BBS9: variants seen among roughly 807,000 people sequenced by gnomAD.
The protein encoded by BBS9 is protein PTHB1.
In BBS9, 89 loss-of-function variants were observed where a neutral mutation model predicts 117.7. The ratio of observed to expected loss-of-function variants is 0.76; its 90% confidence interval spans 0.64 to 0.90. The LOEUF is 0.90. Among genes scored for constraint, BBS9 ranks in the 40% least tolerant of loss-of-function variants. The probability of loss-of-function intolerance (pLI) is 0.00; values close to 1 mark genes in which losing one functional copy is unlikely to be tolerated. For synonymous variants in BBS9, 379 were observed against 370.9 expected, an observed-to-expected ratio of 1.02 and a Z score of -0.25; for missense variants, 982 against 1,042.2, an observed-to-expected ratio of 0.94 and a Z score of 0.80.
intron 5 of BBS9, among the ~76,000 whole-genome samples, chr7:33,183,073 A>G (rs1192009030): frequency 6.6e-6 from 1 of 152,170 alleles, no homozygotes; most frequent in South Asian, 2.1e-4. Flanking sequence ...TGTATTTCCT[A>G]CCTAGTTATT....
Position 33,534,072 on chromosome 7 carries a change from G to A in BBS9, c.2417G>A (p.Ser806Asn). ...NSQLNIPKDT[S>N]QLKKHITLLC... ...CAGCTGAACATACCCAAAGACACAA[G>A]CCAACTGAAGAAACATATCACCTTG... The change falls in exon 21 of 23, where the codon AGC (serine) becomes AAC (asparagine). Residue 806 changes from serine to asparagine, a missense_variant. By Grantham distance (46) the Ser-to-Asn change is conservative (BLOSUM62 1). Coordinates refer to ENST00000242067, the MANE Select transcript of BBS9 (RefSeq NM_198428.3). 3 of 1,614,178 alleles carry A rather than the reference G, an allele frequency of 1.9e-6. No homozygotes were observed. Among genetic ancestry groups the A allele is most frequent in the Non-Finnish European group, 2.5e-6 (3 of 1,180,046 alleles).
chr7:33,333,920 C>T (rs1264963732), intron 9 of BBS9, among the ~76,000 whole-genome samples: 2 of 150,354 alleles, frequency 1.3e-5, no homozygotes, highest in African/African-American at 4.8e-5. Flanking sequence ...CCTATAATGT[C>T]TTTTGCAATT....
intron 9 of BBS9, among the ~76,000 whole-genome samples, chr7:33,285,280 G>T (rs765215075): frequency 6.6e-6 from 1 of 152,138 alleles, no homozygotes; most frequent in Non-Finnish European, 1.5e-5. Context: ...ATGTTAGGTA[G>T]AGTGACAGAA....
chr7:33,418,680 CT>C (rs568488159), intron 19 of BBS9, among the ~76,000 whole-genome samples: 145 of 152,268 alleles, frequency 9.5e-4, no homozygotes, highest in Middle Eastern at 3.4e-3. Context: ...TTGAAAGCAT[CT>C]TGTAGCCACC....
chr7:33,133,373 A>C (rs1315155132), intron 1 of BBS9, among the ~76,000 whole-genome samples: 1 of 152,188 alleles, frequency 6.6e-6, no homozygotes, highest in Non-Finnish European at 1.5e-5. Context: ...TCAACTCAAA[A>C]AGAAACCTCG....
In BBS9 at chr7:33,281,174, CT is replaced by C. The variant is rs1371932314; in HGVS notation, c.1016+7223del. Among the ~76,000 whole-genome samples the C allele has an allele frequency of 6.6e-5, 10 of 151,064 alleles. No individual in the cohort carries two copies. In the East Asian group the frequency reaches 1.9e-3, roughly 29 times the overall value. On this transcript the variant is annotated intron_variant, in intron 9 of 22. Coordinates refer to ENST00000242067, the MANE Select transcript of BBS9 (RefSeq NM_198428.3). ...TTCTGTCAGTTTTCTGTTGAATAAG[CT>C]TTTTGGTTTAGATATTCTATGTTAG...
intron 9 of BBS9, among the ~76,000 whole-genome samples, chr7:33,322,355 G>A (rs1469324018): frequency 9.9e-6 from 1 of 101,434 alleles, no homozygotes; most frequent in Admixed American, 1.1e-4. Flanking sequence ...TGGGTCTCAG[G>A]CTTTTTTTTT....
chr7:33,468,042 A>C (rs1277244379), intron 19 of BBS9, among the ~76,000 whole-genome samples: 3 of 152,150 alleles, frequency 2.0e-5, no homozygotes, highest in Non-Finnish European at 4.4e-5. Context: ...CTAAAAGTTG[A>C]AGTGATTATT....
At chr7:33,541,955 A>AAC (rs140915812) in intron 21 of BBS9, among the ~76,000 whole-genome samples, 1 of 151,750 alleles carries the variant, frequency 6.6e-6, no homozygotes, top group African/African-American at 2.4e-5. Context: ...ACTTGTTTAA[A>AAC]AACATTTTTT....
intron 9 of BBS9, among the ~76,000 whole-genome samples, chr7:33,280,918 T>TTG (rs1801745044): frequency 6.8e-6 from 1 of 147,002 alleles, no homozygotes; most frequent in East Asian, 2.0e-4. Flanking sequence ...TTTGTTTTTT[T>TTG]TTTTTTTTTT....
Position 33,257,405 on chromosome 7 carries a change from T to C in BBS9, c.612T>C (p.Ser204=). Residue 204 remains serine, a synonymous_variant, in exon 6 of 23, where the codon AGT becomes AGC. Coordinates refer to ENST00000242067, the MANE Select transcript of BBS9 (RefSeq NM_198428.3). ...LTVSSCQQVE[S]YKYQVLAFAT... ...TCTCTTCCTGCCAACAAGTGGAAAGTTATAAGTAAGTTTGGATGTTAAGTC... is the reference window on the plus strand; with the variant it reads ...TCTCTTCCTGCCAACAAGTGGAAAGCTATAAGTAAGTTTGGATGTTAAGTC... 1 of 1,613,702 alleles carries C rather than the reference T, an allele frequency of 6.2e-7. No homozygotes were observed. Among genetic ancestry groups the C allele is most frequent in the South Asian group, 1.1e-5 (1 of 91,060 alleles).
In BBS9 at chr7:33,406,066, A is replaced by C. The variant is rs549697080; in HGVS notation, c.2115+17922A>C. On this transcript the variant is annotated intron_variant, in intron 19 of 22. Coordinates refer to ENST00000242067, the MANE Select transcript of BBS9 (RefSeq NM_198428.3). ...TGTGTCTTTGTTCTCGTTGGTTTCA[A>C]AGAACTTTATTTCTGCCTTCATTTC... is the stretch of plus-strand genomic sequence containing the variant. 3.3e-5 allele frequency among the ~76,000 whole-genome samples: 5 copies of C among 152,268 alleles called. No homozygotes were observed. The South Asian group carries it at 1.0e-3, about 32-fold the overall frequency.
chr7:33,619,257 GAT>G, intron 21 of BBS9, among the ~76,000 whole-genome samples: 1 of 152,090 alleles, frequency 6.6e-6, no homozygotes, highest in South Asian at 2.1e-4. Flanking sequence ...AAGAAACAAA[GAT>G]ATATATAATT....
intron 19 of BBS9, among the ~76,000 whole-genome samples, chr7:33,407,827 G>C (rs1247272388): frequency 1.3e-5 from 2 of 152,206 alleles, no homozygotes. Flanking sequence ...GGCCATGTGA[G>C]GTGTCAGTCT....
Position 33,349,270 on chromosome 7 carries a change from G to C in BBS9, c.1432+100G>C, listed in dbSNP as rs781094458. ...CTATTATTTCATGTCTGAATGGTGA[G>C]ATTGGGATCGTCCCAAAATCAATGA... On this transcript the variant is annotated intron_variant, in intron 13 of 22. Coordinates refer to ENST00000242067, the MANE Select transcript of BBS9 (RefSeq NM_198428.3). 8.2e-6 allele frequency: 7 copies of C among 850,248 alleles called. No homozygotes were observed. In the Admixed American group the frequency reaches 1.3e-4, roughly 16 times the overall value. The allele number at this position is 850,248 out of a possible 1,614,324, so 52.7% of individuals were successfully genotyped here.
chr7:33,598,583 G>A (rs1167670444), intron 21 of BBS9, among the ~76,000 whole-genome samples: 2 of 152,178 alleles, frequency 1.3e-5, no homozygotes, highest in African/African-American at 4.8e-5. Flanking sequence ...AATAGGGGAA[G>A]CTATGCAGAG....
chr7:33,284,674 C>T (rs1312787339), intron 9 of BBS9, among the ~76,000 whole-genome samples: 1 of 152,094 alleles, frequency 6.6e-6, no homozygotes, highest in Admixed American at 6.6e-5. Context: ...TTTTGGTTGG[C>T]TACTTATTTT....
intron 19 of BBS9, among the ~76,000 whole-genome samples, chr7:33,470,549 A>G (rs946505467): frequency 6.6e-6 from 1 of 152,086 alleles, no homozygotes. Flanking sequence ...TTGTTCCTCT[A>G]TTGATATGTA....
chr7:33,192,391 A>G (rs569944205), intron 5 of BBS9, among the ~76,000 whole-genome samples: 45 of 152,346 alleles, frequency 3.0e-4, no homozygotes, highest in African/African-American at 1.0e-3. Context: ...GTGATGATAC[A>G]TTTCACCTGC....
Sources: allele counts gnomAD v4.1 joint callset (sites outside exome capture counted in the v4.1 genomes callset), GRCh38; gene constraint gnomAD v4.1.1; transcripts MANE v1.5; gene names NCBI Gene and HGNC (gene_info 2026-07-23, HGNC 2026-07-21).